Variants in CASC3 observed in about 807,000 individuals in gnomAD.
CASC3 encodes protein CASC3.
Under a neutral mutation model 80.5 loss-of-function variants are expected in CASC3, and 30 were observed. The observed-to-expected ratio is 0.37, with a 90% CI of 0.28 to 0.51. The LOEUF is 0.51. Among genes scored for constraint, CASC3 ranks in the 20% least tolerant of loss-of-function variants. The probability of loss-of-function intolerance (pLI) is 0.94; values close to 1 mark genes in which losing one functional copy is unlikely to be tolerated. For missense variants in CASC3, 824 were observed against 922.2 expected (o/e 0.89, Z 1.38); for synonymous variants, 312 against 333.6 (o/e 0.94, Z 0.70).
At chr17:40,166,953 T>C (rs1471259628) in intron 8 of CASC3, 92 bp downstream of exon 8, 1 of 893,242 alleles carries the variant, frequency 1.1e-6, no homozygotes, top group East Asian at 2.8e-5. Context: ...TTTTTTTTTT[T>C]CTTTTCTTTC....
At chr17:40,144,824 G>A (rs1337277167) in intron 3 of CASC3, among the ~76,000 whole-genome samples, 5 of 142,100 alleles carry the variant, frequency 3.5e-5, no homozygotes, top group African/African-American at 1.3e-4. Flanking sequence ...TTACAAGCAT[G>A]AGCCACCATA....
At chr17:40,144,568 C>G (rs1047485891) in intron 3 of CASC3, among the ~76,000 whole-genome samples, 1 of 151,172 alleles carries the variant, frequency 6.6e-6, no homozygotes, top group South Asian at 2.1e-4. Flanking sequence ...TGGTCATGAA[C>G]TCGTGAACTC....
At chr17:40,148,369 C>A (rs1186739757) in intron 3 of CASC3, among the ~76,000 whole-genome samples, 8 of 148,342 alleles carry the variant, frequency 5.4e-5, no homozygotes, top group African/African-American at 7.8e-5. Flanking sequence ...TCCCTTCAGA[C>A]CTTTTTTTTT....
intron 3 of CASC3, among the ~76,000 whole-genome samples, chr17:40,155,825 AG>A (rs201338031): frequency 0.016 from 2,389 of 152,278 alleles, 31 homozygotes; most frequent in Non-Finnish European, 0.024. Flanking sequence ...TTCTGGAAAA[AG>A]GTTTTGATGA....
chr17:40,141,641 T>G (rs1412063711), intron 3 of CASC3, 34 bp downstream of exon 3: 6 of 1,565,506 alleles, frequency 3.8e-6, no homozygotes, highest in Non-Finnish European at 5.3e-6. Context: ...ATGGTATAGA[T>G]CAGAAATGCT....
At chr17:40,143,086 CAA>C (rs59510595) in intron 3 of CASC3, among the ~76,000 whole-genome samples, 11 of 109,154 alleles carry the variant, frequency 1.0e-4, no homozygotes, top group African/African-American at 2.2e-4. Context: ...GACTCTGTCT[CAA>C]AAAAAAAAAA....
intron 12 of CASC3, 43 bp from the exon 13 acceptor site, chr17:40,169,553 CTT>C: frequency 6.3e-7 from 1 of 1,582,600 alleles, no homozygotes; most frequent in African/African-American, 1.4e-5. Context: ...GGAAAACAGT[CTT>C]TTTGTTATGA....
At chr17:40,150,072 G>A (rs1202879204) in intron 3 of CASC3, among the ~76,000 whole-genome samples, 1 of 151,990 alleles carries the variant, frequency 6.6e-6, no homozygotes, top group Non-Finnish European at 1.5e-5. Context: ...TCTGTGTTTT[G>A]TTTTTGTGAA....
intron 6 of CASC3, 101 bp from the exon 7 acceptor site, chr17:40,163,380 C>T: frequency 1.1e-6 from 1 of 931,970 alleles, no homozygotes; most frequent in Non-Finnish European, 1.6e-6. Context: ...AGTGATCTGC[C>T]CGTCTCGATC....
chr17:40,162,038 A>C lies in CASC3; in HGVS notation c.493A>C (p.Lys165Gln), dbSNP rs1405679769. The change falls in exon 5 of 14, where the codon AAG becomes CAG. Residue 165 changes from lysine (K) to glutamine (Q), a missense_variant. Physicochemically the swap from Lys to Gln is moderately conservative, Grantham distance 53 (BLOSUM62 1). This residue lies in a region of CASC3 where 201 missense variants were observed against 294.1 expected (regional missense o/e 0.68). Coordinates refer to ENST00000264645, the MANE Select transcript of CASC3 (RefSeq NM_007359.5). ...GCCTGTGGAGAACAAAGTGGGTAAA[A>C]AGGGCCCTAAGCATTTGGATGATGA... is the stretch of plus-strand genomic sequence containing the variant. ...TEPVENKVGK[K>Q]GPKHLDDDED... The C allele has an allele frequency of 6.2e-7, 1 of 1,613,994 alleles. No homozygotes were observed. The highest frequency in any genetic ancestry group is 8.5e-7 in the Non-Finnish European group (1 of 1,179,994).
chr17:40,168,053 T>C (rs151239632), intron 10 of CASC3, 105 bp downstream of exon 10: 1 of 1,316,610 alleles, frequency 7.6e-7, no homozygotes, highest in East Asian at 2.3e-5. Flanking sequence ...CCTGGGAGTC[T>C]GGCCATCCTG....
chr17:40,145,022 G>A (rs1252578730), intron 3 of CASC3, among the ~76,000 whole-genome samples: 7 of 149,156 alleles, frequency 4.7e-5, no homozygotes, highest in African/African-American at 9.9e-5. Context: ...CACCACGCCC[G>A]CCTAATTTTT....
intron 3 of CASC3, among the ~76,000 whole-genome samples, chr17:40,143,885 A>G (rs1649756187): frequency 6.6e-6 from 1 of 151,374 alleles, no homozygotes. Flanking sequence ...GTTTGTAACA[A>G]AGGATAAATG....
At chr17:40,168,115 G>A in intron 10 of CASC3, 88 bp from the exon 11 acceptor site, 1 of 1,359,182 alleles carries the variant, frequency 7.4e-7, no homozygotes, top group Non-Finnish European at 1.0e-6. Flanking sequence ...CTTCCATTCT[G>A]AGCCTGATTA....
At chr17:40,151,694 C>CAAAA (rs1010260103) in intron 3 of CASC3, among the ~76,000 whole-genome samples, 2 of 53,054 alleles carry the variant, frequency 3.8e-5, no homozygotes, top group East Asian at 6.0e-4. Context: ...ACCTTCATCT[C>CAAAA]AAAAAAAAAA....
intron 2 of CASC3, 42 bp downstream of exon 2, chr17:40,141,276 T>A (rs778995090): frequency 5.1e-6 from 8 of 1,567,494 alleles, no homozygotes; most frequent in African/African-American, 2.7e-5. Flanking sequence ...GAGTTTTTTT[T>A]AACATAAACT....
At chr17:40,154,044 T>C (rs901032781) in intron 3 of CASC3, among the ~76,000 whole-genome samples, 20 of 151,412 alleles carry the variant, frequency 1.3e-4, no homozygotes, top group African/African-American at 4.9e-4. Context: ...AGATGTCCTA[T>C]TAGGTATGAG....
chr17:40,160,144 A>G (rs532907972), intron 3 of CASC3, among the ~76,000 whole-genome samples: 1 of 152,282 alleles, frequency 6.6e-6, no homozygotes, highest in East Asian at 1.9e-4. Context: ...CCATTTTGAG[A>G]TGGGAGAGTT....
chr17:40,161,649 A>G, intron 3 of CASC3, 104 bp from the exon 4 acceptor site: 1 of 988,952 alleles, frequency 1.0e-6, no homozygotes, highest in Non-Finnish European at 1.6e-6. Flanking sequence ...ACTGTATTCC[A>G]GCCTGGGTGA....
Sources: allele counts gnomAD v4.1 joint callset (sites outside exome capture counted in the v4.1 genomes callset), GRCh38; gene constraint gnomAD v4.1.1; regional missense constraint gnomAD v4.1.1; transcripts MANE v1.5; gene names NCBI Gene and HGNC (gene_info 2026-07-23, HGNC 2026-07-21).